The following RGS14 variants were observed in gnomAD, a reference collection of about 807,000 sequenced individuals.
RGS14 encodes regulator of G protein signaling 14.
A neutral mutation model predicts 63.8 loss-of-function variants in RGS14; 33 were observed. The observed-to-expected ratio is 0.52, with a 90% CI of 0.39 to 0.69. The LOEUF (loss-of-function observed/expected upper bound fraction) is 0.69, where lower values mean the gene tolerates loss of function less well. Among genes scored for constraint, RGS14 ranks in the 30% least tolerant of loss-of-function variants. The pLI, the probability that RGS14 is intolerant of heterozygous loss-of-function variation, is 0.00. For missense variants in RGS14, 739 were observed against 742.9 expected, an observed-to-expected ratio of 0.99 and a Z score of 0.06; for synonymous variants, 296 against 320.9, an observed-to-expected ratio of 0.92 and a Z score of 0.83.
rs1364118088 is a variant in RGS14 at position 177,371,614 on chromosome 5, C to A, written c.1498+25C>A. 9.4e-6 allele frequency: 15 copies of A among 1,600,750 alleles called. No homozygotes were observed. The highest frequency in any genetic ancestry group is 1.2e-5 in the Non-Finnish European group (14 of 1,168,246). ...GGTACATGGTGGATGAGCTGGGGAT[C>A]AGAAAGACTAGGGCAGTGGGGTTGG... is the stretch of plus-strand genomic sequence containing the variant. On this transcript the variant is annotated intron_variant, in intron 14 of 14. Coordinates refer to ENST00000408923, the MANE Select transcript of RGS14 (RefSeq NM_006480.5). This position sits in a 1 kb window ranked among gnomAD's most constrained non-coding sequence, Gnocchi z 6.1.
chr5:177,370,210 G>A (rs762571359), intron 9 of RGS14, among the ~76,000 whole-genome samples: 19 of 152,200 alleles, frequency 1.2e-4, no homozygotes, highest in African/African-American at 2.7e-4. Context: ...TGGTCTGGTC[G>A]GATTTCACAC....
intron 6 of RGS14, 46 bp downstream of exon 6, chr5:177,367,603 G>A (rs775623631): frequency 3.2e-6 from 5 of 1,582,578 alleles, no homozygotes; most frequent in African/African-American, 1.3e-5. Flanking sequence ...GGGGTCCTGC[G>A]GACCGCGTGC....
At position 177,371,111 on chromosome 5, in the gene RGS14, G is replaced by T; in HGVS notation, c.1255-54G>T. 8.1e-7 allele frequency: 1 copy of T among 1,240,374 alleles called. No individual in the cohort carries two copies. Among genetic ancestry groups the T allele is most frequent in the Non-Finnish European group, 1.1e-6 (1 of 951,248 alleles). 76.8% of individuals were successfully genotyped at this position (1,240,374 alleles called of 1,614,324 possible). On this transcript the variant is annotated intron_variant, in intron 11 of 14. Transcript: ENST00000408923. This position sits in a 1 kb window ranked among gnomAD's most constrained non-coding sequence, Gnocchi z 6.1. Reference sequence around the variant, plus strand: ...CGGGGCCGGGGCCGGGGCCGGGGCCGGGGCCGGGGCCGGGCGGAGGCCTGT... The same window carrying T: ...CGGGGCCGGGGCCGGGGCCGGGGCCTGGGCCGGGGCCGGGCGGAGGCCTGT...
In RGS14 at chr5:177,358,192, G is replaced by T; in HGVS notation, c.45+123G>T. On this transcript the variant is annotated intron_variant, in intron 1 of 14. Coordinates refer to ENST00000408923, the MANE Select transcript of RGS14 (RefSeq NM_006480.5). This position sits in a 1 kb window ranked among gnomAD's most constrained non-coding sequence, Gnocchi z 4.8. ...GGGCTGCCAGCAGGCGAGAGAAGTT[G>T]GGTACAGACAGCAGCAGGTGGTAGG... 1 of 789,276 alleles carries T rather than the reference G, an allele frequency of 1.3e-6. No individual in the cohort carries two copies. The highest frequency in any genetic ancestry group is 4.2e-5 in the South Asian group (1 of 23,588). 48.9% of individuals were successfully genotyped at this position (789,276 alleles called of 1,614,324 possible).
intron 1 of RGS14, among the ~76,000 whole-genome samples, chr5:177,365,235 C>T (rs890018513): frequency 2.6e-5 from 4 of 152,174 alleles, no homozygotes; most frequent in African/African-American, 7.2e-5. Flanking sequence ...TCTTGTCACC[C>T]GGGCTGGAGG....
At position 177,371,538 on chromosome 5, in the gene RGS14, G is replaced by A. The variant is rs752403762; in HGVS notation, c.1447G>A (p.Val483Met). ...HPPPASPSSL[V>M]KVPSSATGKR... ...CCCTCCAGCGTCCCCCAGTTCTCTG[G>A]TGAAGGTGCCCAGTAGTGCCACTGG... Residue 483 changes from valine to methionine, a missense_variant, in exon 14 of 15, where the codon GTG (valine) becomes ATG (methionine). Val to Met is a conservative substitution (Grantham distance 21, BLOSUM62 1). Transcript: ENST00000408923. The surrounding 1 kb of genome is among the most constrained non-coding windows in gnomAD (Gnocchi z 6.1). 3.7e-6 allele frequency: 6 copies of A among 1,614,148 alleles called. No homozygotes were observed. Among genetic ancestry groups the A allele is most frequent in the Admixed American group, 3.3e-5 (2 of 60,014 alleles).
chr5:177,368,762 C>A lies in RGS14; in HGVS notation c.895C>A (p.Arg299=). 1 of 1,614,218 alleles carries A rather than the reference C, an allele frequency of 6.2e-7. No homozygotes were observed. The highest frequency in any genetic ancestry group is 8.5e-7 in the Non-Finnish European group (1 of 1,180,034). ...LGSTEGESES[R]PGKYCCVYLP... is the part of the protein sequence containing the mutation. The stretch of plus-strand genomic sequence containing the variant: ...GAGCACGGAGGGTGAAAGTGAAAGC[C>A]GGCCAGGGAAGTACTGCTGTGTGTA... The change falls in exon 9 of 15, where the codon CGG becomes AGG. Residue 299 remains arginine (R), a synonymous_variant. Coordinates refer to ENST00000408923, the MANE Select transcript of RGS14 (RefSeq NM_006480.5).
At chr5:177,369,824 C>T (rs1382178441) in intron 9 of RGS14, among the ~76,000 whole-genome samples, 1 of 152,244 alleles carries the variant, frequency 6.6e-6, no homozygotes. Flanking sequence ...CGGCTGCCAG[C>T]AGCCCAGATG....
chr5:177,371,123 G>T lies in RGS14; in HGVS notation c.1255-42G>T. ...CGGGGCCGGGGCCGGGGCCGGGGCCGGGCGGAGGCCTGTACCGCGGGCTGC... is the reference window on the plus strand; with the variant it reads ...CGGGGCCGGGGCCGGGGCCGGGGCCTGGCGGAGGCCTGTACCGCGGGCTGC... On this transcript the variant is annotated intron_variant, in intron 11 of 14. Coordinates refer to ENST00000408923, the MANE Select transcript of RGS14 (RefSeq NM_006480.5). The surrounding 1 kb of genome is among the most constrained non-coding windows in gnomAD (Gnocchi z 6.1). 6.7e-7 allele frequency: 1 copy of T among 1,503,584 alleles called. No individual in the cohort carries two copies. Among genetic ancestry groups the T allele is most frequent in the Non-Finnish European group, 8.9e-7 (1 of 1,118,224 alleles). 93.1% of individuals were successfully genotyped at this position (1,503,584 alleles called of 1,614,324 possible).
intron 3 of RGS14, 93 bp from the exon 4 acceptor site, chr5:177,366,615 C>A (rs939053651): frequency 1.0e-5 from 13 of 1,260,748 alleles, no homozygotes; most frequent in Non-Finnish European, 1.4e-5. Context: ...GGTCTCTTGG[C>A]CCTGTCTCTG....
In RGS14 at chr5:177,366,984, G is replaced by A; in HGVS notation, c.433G>A (p.Glu145Lys). ...CGACCGTCAGGCCTGGCTTGGCGAG[G>A]AGGTGCTGGCCGAGCCCCGGCCGGA... ...NIDRQAWLGE[E>K]VLAEPRPDMF... is the part of the protein sequence containing the mutation. The change falls in exon 5 of 15, where the codon GAG (glutamate) becomes AAG (lysine). Residue 145 changes from glutamate to lysine, a missense_variant. By Grantham distance (56) the Glu-to-Lys change is moderately conservative (BLOSUM62 1). Coordinates refer to ENST00000408923, the MANE Select transcript of RGS14 (RefSeq NM_006480.5). 6.2e-7 allele frequency: 1 copy of A among 1,613,616 alleles called. No homozygotes were observed. The highest frequency in any genetic ancestry group is 2.2e-5 in the East Asian group (1 of 44,888).
rs1762268982 is a variant in RGS14 at position 177,371,481 on chromosome 5, C to T, written c.1390C>T (p.Pro464Ser). 5.0e-6 allele frequency: 8 copies of T among 1,614,124 alleles called. No individual in the cohort carries two copies. Among genetic ancestry groups the T allele is most frequent in the South Asian group, 3.3e-5 (3 of 91,084 alleles). Reference sequence around the variant, plus strand: ...TGACCCCAAATTCTCGCAGGGCTGCCCACCTAGAACTCAGGATAAGGCCAC... The same window carrying T: ...TGACCCCAAATTCTCGCAGGGCTGCTCACCTAGAACTCAGGATAAGGCCAC... ...DKSPCRSQGCPPRTQDKATHP... is the reference protein window; with the variant it reads ...DKSPCRSQGCSPRTQDKATHP... Residue 464 changes from proline (P) to serine (S), a missense_variant, in exon 14 of 15, where the codon CCA (proline) becomes TCA (serine). Physicochemically the swap from Pro to Ser is moderately conservative, Grantham distance 74. Transcript: ENST00000408923. This position sits in a 1 kb window ranked among gnomAD's most constrained non-coding sequence, Gnocchi z 6.1.
chr5:177,371,365 A>G lies in RGS14; in HGVS notation c.1352A>G (p.Lys451Arg). The G allele has an allele frequency of 2.5e-6, 4 of 1,613,402 alleles. No homozygotes were observed. Among genetic ancestry groups the G allele is most frequent in the Non-Finnish European group, 3.4e-6 (4 of 1,179,754 alleles). The change falls in exon 13 of 15, where the codon AAA becomes AGA. Residue 451 changes from lysine to arginine, a missense_variant. Physicochemically the swap from Lys to Arg is conservative, Grantham distance 26. Transcript: ENST00000408923. The surrounding 1 kb of genome is among the most constrained non-coding windows in gnomAD (Gnocchi z 6.1). ...LDTLPGVKIS[K>R]ARDKSPCRSQ... ...TCTGCTGCAGGTGTGAAGATCTCCA[A>G]AGCCCGTGACAAATCTCCCTGCCGC...
Position 177,372,036 on chromosome 5 carries a change from C to T in RGS14, c.1662C>T (p.Ile554=), listed in dbSNP as rs576754724. ...PPQTKSAAQP[I]GGSLNSTTDS... ...AGACCAAATCAGCAGCCCAGCCCAT[C>T]GGGGGATCCTTGAACTCCACCACCG... Residue 554 remains isoleucine, a synonymous_variant, in exon 15 of 15, where the codon ATC becomes ATT. Coordinates refer to ENST00000408923, the MANE Select transcript of RGS14 (RefSeq NM_006480.5). 6.5e-5 allele frequency: 105 copies of T among 1,614,104 alleles called. 1 individual carries two copies. In the South Asian group the frequency reaches 9.9e-4, roughly 15 times the overall value.
chr5:177,366,282 A>G lies in RGS14; in HGVS notation c.173A>G (p.Glu58Gly). The G allele has an allele frequency of 6.4e-7, 1 of 1,566,812 alleles. No individual in the cohort carries two copies. Among genetic ancestry groups the G allele is most frequent in the Non-Finnish European group, 8.6e-7 (1 of 1,156,656 alleles). Residue 58 changes from glutamate to glycine, a missense_variant, in exon 3 of 15, where the codon GAG (glutamate) becomes GGG (glycine). Coordinates refer to ENST00000408923, the MANE Select transcript of RGS14 (RefSeq NM_006480.5). ...CCCAGCAGCCCCTTCCCAACCGAGG[A>G]GCAGCCTGTGGCCAGCTGGGCCCTG... ...SGPSSPFPTE[E>G]QPVASWALSF...
rs1762121665 is a variant in RGS14 at position 177,367,249 on chromosome 5, G to C, written c.484-165G>C. 16 of 1,124,830 alleles carry C rather than the reference G, an allele frequency of 1.4e-5. 1 individual carries two copies. The South Asian group carries it at 2.6e-4, about 18-fold the overall frequency. 69.7% of individuals were successfully genotyped at this position (1,124,830 alleles called of 1,614,324 possible). A position where few individuals can be genotyped will look rare whatever the true frequency, so the allele number is the denominator to read the frequency against. On this transcript the variant is annotated intron_variant, in intron 5 of 14. Coordinates refer to ENST00000408923, the MANE Select transcript of RGS14 (RefSeq NM_006480.5). ...GGCGGAGCCTAGCTGAGCTCGGGGCGGGCTTGGACCCCGGGGGTGGGTATA... is the reference window on the plus strand; with the variant it reads ...GGCGGAGCCTAGCTGAGCTCGGGGCCGGCTTGGACCCCGGGGGTGGGTATA...
At position 177,371,053 on chromosome 5, in the gene RGS14, C is replaced by A. The variant is rs755629813; in HGVS notation, c.1254+22C>A. ...CCGGGTGAGCTTCCGGGCCGCGGGGCGGGGCGGGGCGGGGCCGGGCCGGGG... is the reference window on the plus strand; with the variant it reads ...CCGGGTGAGCTTCCGGGCCGCGGGGAGGGGCGGGGCGGGGCCGGGCCGGGG... On this transcript the variant is annotated intron_variant, in intron 11 of 14. Coordinates refer to ENST00000408923, the MANE Select transcript of RGS14 (RefSeq NM_006480.5). The surrounding 1 kb of genome is among the most constrained non-coding windows in gnomAD (Gnocchi z 6.1). The A allele has an allele frequency of 1.9e-6, 2 of 1,040,300 alleles. No homozygotes were observed. The highest frequency in any genetic ancestry group is 1.0e-4 in the Admixed American group (2 of 19,902). The allele number at this position is 1,040,300 out of a possible 1,614,324, so 64.4% of individuals were successfully genotyped here.
Position 177,371,191 on chromosome 5 carries a change from G to C in RGS14, c.1281G>C (p.Leu427=), listed in dbSNP as rs1375444283. 2.5e-6 allele frequency: 4 copies of C among 1,613,408 alleles called. No individual in the cohort carries two copies. In the African/African-American group the frequency reaches 4.0e-5, roughly 16 times the overall value. The change falls in exon 12 of 15, where the codon CTG becomes CTC. Residue 427 remains leucine, a synonymous_variant. Coordinates refer to ENST00000408923, the MANE Select transcript of RGS14 (RefSeq NM_006480.5). This position sits in a 1 kb window ranked among gnomAD's most constrained non-coding sequence, Gnocchi z 6.1. The stretch of plus-strand genomic sequence containing the variant: ...CAGGCGAGAAACAGCCTCTGGATCT[G>C]GGGAAGCTAGTGAGCTCGGTGGCGG... The part of the protein sequence containing the change: ...HRPGEKQPLD[L]GKLVSSVAAQ...
rs560359894 is a variant in RGS14 at position 177,372,198 on chromosome 5, C to T, written c.*123C>T. ...GGCCCCTTCCTGCCATGGGCAGGCC[C>T]GCAGGAAGAGCCGGTAGGGGTGGAA... On this transcript the variant is annotated 3_prime_UTR_variant, in exon 15 of 15. Transcript: ENST00000408923. The T allele has an allele frequency of 3.6e-5, 35 of 975,694 alleles. No individual in the cohort carries two copies. The highest frequency in any genetic ancestry group is 4.7e-5 in the South Asian group (3 of 64,476). 60.4% of individuals were successfully genotyped at this position (975,694 alleles called of 1,614,324 possible). A position where few individuals can be genotyped will look rare whatever the true frequency, so the allele number is the denominator to read the frequency against.
Sources: gnomAD v4.1 joint callset for allele counts (sites outside exome capture counted in the v4.1 genomes callset) on GRCh38, gnomAD v4.1.1 for gene constraint, Gnocchi (gnomAD v3.1) non-coding constraint, MANE v1.5 for transcripts, NCBI Gene and HGNC (gene_info 2026-07-23, HGNC 2026-07-21) for gene names.